The following TTC6 variants were observed in gnomAD, a reference collection of about 807,000 sequenced individuals.
The protein encoded by TTC6 is tetratricopeptide repeat domain 6, also known as tetratricopeptide repeat protein 6.
Under a neutral mutation model 210.4 loss-of-function variants are expected in TTC6, and 172 were observed. The ratio of observed to expected loss-of-function variants is 0.82; its 90% confidence interval spans 0.72 to 0.93. The LOEUF (loss-of-function observed/expected upper bound fraction) is 0.93, where lower values mean the gene tolerates loss of function less well. Among genes scored for constraint, TTC6 ranks in the 40% least tolerant of loss-of-function variants. The probability of loss-of-function intolerance (pLI) is 0.00; values close to 1 mark genes in which losing one functional copy is unlikely to be tolerated. For missense variants in TTC6, 2,414 were observed against 2,318.1 expected (o/e 1.04, Z -0.85); for synonymous variants, 804 against 819.6 (o/e 0.98, Z 0.32).
exon 25 of TTC6, chr14:37,812,342 T>C (rs2096131395): frequency 2.5e-6 from 4 of 1,613,230 alleles, no homozygotes; most frequent in South Asian, 2.2e-5. Context: ...ATTGTGCTGC[T>C]TCTTGATGCT....
At chr14:37,628,800 G>A (rs1168787502) in intron 1 of TTC6, among the ~76,000 whole-genome samples, 2 of 152,122 alleles carry the variant, frequency 1.3e-5, no homozygotes, top group African/African-American at 2.4e-5. Context: ...GCAAGGAAGG[G>A]GTCCAGTTTC....
At chr14:37,757,084 G>A (rs1390610631) in intron 14 of TTC6, among the ~76,000 whole-genome samples, 1 of 152,044 alleles carries the variant, frequency 6.6e-6, no homozygotes, top group Non-Finnish European at 1.5e-5. Context: ...TTGGGAGGGG[G>A]TATGTGTCCA....
chr14:37,727,159 C>T (rs950023609), intron 7 of TTC6, among the ~76,000 whole-genome samples: 1 of 151,854 alleles, frequency 6.6e-6, no homozygotes, highest in East Asian at 1.9e-4. Context: ...GAGTTTAACC[C>T]ACCATCTTTG....
chr14:37,685,934 A>G (rs2095792846), intron 3 of TTC6, among the ~76,000 whole-genome samples: 2 of 152,192 alleles, frequency 1.3e-5, no homozygotes, highest in Admixed American at 6.5e-5. Context: ...ATGACTCATT[A>G]AAAGAATTGT....
At chr14:37,691,754 G>A (rs1180864834) in intron 3 of TTC6, among the ~76,000 whole-genome samples, 1 of 152,054 alleles carries the variant, frequency 6.6e-6, no homozygotes. Context: ...AGATAAGAAA[G>A]TTGGTTTTTT....
upstream of TTC6, chr14:37,622,007 A>G: frequency 1.6e-6 from 2 of 1,241,396 alleles, no homozygotes; most frequent in South Asian, 3.1e-5. Flanking sequence ...TTATGTATAT[A>G]CGCACACAAC....
chr14:37,624,367 G>A (rs769262008), intron 1 of TTC6, among the ~76,000 whole-genome samples: 14 of 152,244 alleles, frequency 9.2e-5, no homozygotes, highest in Non-Finnish European at 1.6e-4. Flanking sequence ...GAAAGGCCTC[G>A]GTGCCCCTAC....
intron 29 of TTC6, among the ~76,000 whole-genome samples, chr14:37,835,676 T>A (rs2096196180): frequency 6.6e-6 from 1 of 152,174 alleles, no homozygotes; most frequent in Admixed American, 6.5e-5. Flanking sequence ...ACAAGATGGC[T>A]AGAAGTTTTA....
At chr14:37,780,653 A>T (rs568336345) in intron 14 of TTC6, among the ~76,000 whole-genome samples, 1 of 152,174 alleles carries the variant, frequency 6.6e-6, no homozygotes, top group Admixed American at 6.5e-5. Context: ...ATTATACTTT[A>T]AGTTCTGGGT....
At chr14:37,682,910 G>C (rs1420387661) in exon 3 of TTC6, 1 of 1,535,594 alleles carries the variant, frequency 6.5e-7, no homozygotes, top group Non-Finnish European at 8.7e-7. Flanking sequence ...GTAAACCTTT[G>C]GAAGATGGAC....
chr14:37,670,421 T>G (rs1297457453), intron 1 of TTC6, among the ~76,000 whole-genome samples: 1 of 151,874 alleles, frequency 6.6e-6, no homozygotes, highest in African/African-American at 2.4e-5. Context: ...CAGTATGTTT[T>G]GTTAACACAT....
At chr14:37,703,318 A>G (rs1306948699) in intron 5 of TTC6, among the ~76,000 whole-genome samples, 1 of 152,088 alleles carries the variant, frequency 6.6e-6, no homozygotes. Context: ...TAAATGTTCT[A>G]TTTGATGAGG....
At chr14:37,792,486 T>G in intron 17 of TTC6, 72 bp downstream of exon 19, 1 of 1,247,490 alleles carries the variant, frequency 8.0e-7, no homozygotes, top group East Asian at 2.7e-5. Context: ...CAACATAATT[T>G]TAATATATAT....
intron 3 of TTC6, among the ~76,000 whole-genome samples, chr14:37,686,512 T>C (rs948233220): frequency 6.6e-6 from 1 of 152,186 alleles, no homozygotes; most frequent in East Asian, 1.9e-4. Context: ...ATAAATTTCC[T>C]AATGGTTTAG....
chr14:37,827,829 T>A (rs1255404525), intron 29 of TTC6: 1 of 154,222 alleles, frequency 6.5e-6, no homozygotes, highest in Non-Finnish European at 1.4e-5. Flanking sequence ...AATTTGCATG[T>A]CATCCTTGCA....
chr14:37,622,760 C>T (rs1277906062), exon 1 of TTC6: 11 of 1,534,826 alleles, frequency 7.2e-6, no homozygotes, highest in Middle Eastern at 1.7e-4. Context: ...ACTTCGTGAG[C>T]GAGAGCGGGG....
intron 14 of TTC6, among the ~76,000 whole-genome samples, chr14:37,781,878 T>A (rs1250944627): frequency 6.6e-6 from 1 of 152,194 alleles, no homozygotes; most frequent in East Asian, 1.9e-4. Flanking sequence ...ATTTATTAAG[T>A]GGGGAATCCT....
At chr14:37,795,531 G>C (rs777362801) in intron 18 of TTC6, among the ~76,000 whole-genome samples, 179 bp downstream of exon 20, 1 of 152,080 alleles carries the variant, frequency 6.6e-6, no homozygotes, top group Non-Finnish European at 1.5e-5. Context: ...TATTACATAA[G>C]ATAACCAGAT....
chr14:37,725,657 T>A (rs190056491), intron 7 of TTC6, among the ~76,000 whole-genome samples: 3 of 152,032 alleles, frequency 2.0e-5, no homozygotes, highest in African/African-American at 7.2e-5. Flanking sequence ...GCCATAGTTT[T>A]ATATATTATG....
Sources: allele counts gnomAD v4.1 joint callset (sites outside exome capture counted in the v4.1 genomes callset), GRCh38; gene constraint gnomAD v4.1.1; transcripts MANE v1.5; gene names NCBI Gene and HGNC (gene_info 2026-07-23, HGNC 2026-07-21).